The following IL1RAPL1 variants were observed in gnomAD, a reference collection of about 807,000 sequenced individuals.
IL1RAPL1 encodes interleukin 1 receptor accessory protein like 1.
A neutral mutation model predicts 48.4 loss-of-function variants in IL1RAPL1; 3 were observed. The ratio of observed to expected loss-of-function variants is 0.06; its 90% CI spans 0.03 to 0.16. IL1RAPL1 has a LOEUF of 0.16. Among genes scored for constraint, IL1RAPL1 ranks in the 10% least tolerant of loss-of-function variants. IL1RAPL1 has a pLI of 1.00. For synonymous variants in IL1RAPL1, 185 were observed against 187.7 expected (o/e 0.99, Z 0.12); for missense variants, 349 against 530.6 (o/e 0.66, Z 3.36).
intron 6 of IL1RAPL1, among the ~76,000 whole-genome samples, chrX:29,799,508 G>A (rs1929826648): frequency 8.9e-6 from 1 of 112,458 alleles, no homozygotes; most frequent in Admixed American, 9.5e-5. Context: ...TATATGCAAA[G>A]CATTGTTTTA....
At chrX:29,648,163 A>T (rs1050455400) in intron 5 of IL1RAPL1, among the ~76,000 whole-genome samples, 2 of 111,846 alleles carry the variant, frequency 1.8e-5, no homozygotes, top group Non-Finnish European at 3.8e-5. Flanking sequence ...ATAGTAATAG[A>T]TCTGAAAGGA....
intron 6 of IL1RAPL1, among the ~76,000 whole-genome samples, chrX:29,764,515 TC>T (rs1209574268): frequency 8.9e-6 from 1 of 111,756 alleles, no homozygotes; most frequent in East Asian, 2.8e-4. Context: ...TTTGAATTGT[TC>T]ATATCAGGAG....
chrX:28,636,771 T>C (rs1934470773), intron 1 of IL1RAPL1, among the ~76,000 whole-genome samples: 1 of 111,802 alleles, frequency 8.9e-6, no homozygotes, highest in Non-Finnish European at 1.9e-5. Context: ...GAGACATCAA[T>C]TTCAGAAGTT....
chrX:28,772,318 A>G (rs1936318789), intron 1 of IL1RAPL1, among the ~76,000 whole-genome samples: 1 of 111,791 alleles, frequency 8.9e-6, no homozygotes, highest in East Asian at 2.8e-4. Flanking sequence ...AAACTTTAAA[A>G]AAAATCTATT....
At chrX:29,475,365 C>T (rs750766854) in intron 5 of IL1RAPL1, among the ~76,000 whole-genome samples, 3 of 111,959 alleles carry the variant, frequency 2.7e-5, no homozygotes, top group East Asian at 5.6e-4. Flanking sequence ...TGCTTTTTAG[C>T]ATCTATGTGT....
chrX:28,732,011 G>C (rs1405320874), intron 1 of IL1RAPL1, among the ~76,000 whole-genome samples: 1 of 111,162 alleles, frequency 9.0e-6, no homozygotes, highest in Non-Finnish European at 1.9e-5. Context: ...ATAATCATAA[G>C]GAGCTGGAGT....
intron 6 of IL1RAPL1, among the ~76,000 whole-genome samples, chrX:29,870,181 CAG>C (rs942995855): frequency 2.7e-5 from 3 of 111,814 alleles, no homozygotes; most frequent in Admixed American, 9.4e-5. Flanking sequence ...TTGCCAAAGA[CAG>C]AGAAATGAAA....
intron 6 of IL1RAPL1, among the ~76,000 whole-genome samples, chrX:29,814,321 T>C (rs916285386): frequency 1.8e-5 from 2 of 111,927 alleles, no homozygotes; most frequent in Non-Finnish European, 3.8e-5. Context: ...TGATTTGCAT[T>C]TCTCTGATGA....
intron 2 of IL1RAPL1, among the ~76,000 whole-genome samples, chrX:28,935,348 T>G (rs181715898): frequency 9.0e-6 from 1 of 111,541 alleles, no homozygotes; most frequent in East Asian, 2.8e-4. Context: ...TATATATGGA[T>G]ATCCAGTTGT....
intron 3 of IL1RAPL1, among the ~76,000 whole-genome samples, chrX:29,342,118 G>C (rs868502510): frequency 1.1e-5 from 1 of 91,147 alleles, no homozygotes; most frequent in South Asian, 5.5e-4. Context: ...TGTTTTGTGT[G>C]TGTGTGTGTG....
At chrX:29,057,060 G>T (rs375829945) in intron 2 of IL1RAPL1, among the ~76,000 whole-genome samples, 2 of 111,470 alleles carry the variant, frequency 1.8e-5, no homozygotes, top group Admixed American at 9.5e-5. Flanking sequence ...TCCTCGCAGC[G>T]GTGTGCACTT....
At chrX:28,741,536 A>G (rs969025046) in intron 1 of IL1RAPL1, among the ~76,000 whole-genome samples, 1 of 112,123 alleles carries the variant, frequency 8.9e-6, no homozygotes, top group African/African-American at 3.2e-5. Flanking sequence ...TTTTCCAAAC[A>G]TGCTTCACAA....
At position 29,887,659 on chromosome X, in the gene IL1RAPL1, AT is replaced by A. The variant is rs59830503; in HGVS notation, c.779-29794del. 1.8e-3 allele frequency among the ~76,000 whole-genome samples: 196 copies of A among 106,188 alleles called. 1 individual carries two copies. Among genetic ancestry groups the A allele is most frequent in the Middle Eastern group, 9.7e-3 (2 of 207 alleles). The allele number at this position is 106,188 out of a possible 115,157, so 92.2% of individuals were successfully genotyped here. A position where few individuals can be genotyped will look rare whatever the true frequency, so the allele number is the denominator to read the frequency against. On this transcript the variant is annotated intron_variant, in intron 6 of 10. Transcript: ENST00000378993. ...GATACAATAGCAAAAGTTTATTTTC[AT>A]TTTTTTTTTTGTAAATTGTTTTGAG...
intron 5 of IL1RAPL1, among the ~76,000 whole-genome samples, chrX:29,562,115 A>ATCTAATCT (rs1488435661): frequency 6.7e-5 from 4 of 59,989 alleles, no homozygotes; most frequent in East Asian, 5.1e-4. Flanking sequence ...CTATCTATCT[A>ATCTAATCT]ATCTATCTAT....
intron 5 of IL1RAPL1, among the ~76,000 whole-genome samples, chrX:29,514,734 G>A (rs1206681044): frequency 8.9e-6 from 1 of 112,594 alleles, no homozygotes; most frequent in Non-Finnish European, 1.9e-5. Context: ...ACAGGCGTGA[G>A]CCACCGCACC....
At chrX:29,235,061 C>T (rs1931266110) in intron 2 of IL1RAPL1, among the ~76,000 whole-genome samples, 1 of 111,793 alleles carries the variant, frequency 8.9e-6, no homozygotes, top group East Asian at 2.8e-4. Flanking sequence ...GCATCCCCTG[C>T]TAAATGACCT....
At chrX:29,228,332 AGTGTGTGTGT>A (rs1555978439) in intron 2 of IL1RAPL1, among the ~76,000 whole-genome samples, 3 of 79,566 alleles carry the variant, frequency 3.8e-5, no homozygotes, top group Non-Finnish European at 7.2e-5. Context: ...AGTTTTGCCT[AGTGTGTGTGT>A]GTGTGTGTGT....
chrX:28,965,461 G>GT (rs1283145317), intron 2 of IL1RAPL1, among the ~76,000 whole-genome samples: 1 of 111,561 alleles, frequency 9.0e-6, no homozygotes, highest in African/African-American at 3.2e-5. Context: ...TAATTGAACA[G>GT]TTTTTTGCTC....
chrX:29,416,503 C>A (rs1267533018), intron 5 of IL1RAPL1, among the ~76,000 whole-genome samples: 1 of 111,094 alleles, frequency 9.0e-6, no homozygotes, highest in Non-Finnish European at 1.9e-5. Flanking sequence ...CGCCACTGCA[C>A]TCCAGCCTGG....
Sources: gnomAD v4.1 joint callset for allele counts (sites outside exome capture counted in the v4.1 genomes callset) on GRCh38, gnomAD v4.1.1 for gene constraint, MANE v1.5 for transcripts, NCBI Gene and HGNC (gene_info 2026-07-23, HGNC 2026-07-21) for gene names.